Variants in HS3ST5 observed in about 807,000 individuals in gnomAD.
HS3ST5 encodes heparan sulfate glucosamine 3-O-sulfotransferase 5.
Under a neutral mutation model 25.4 loss-of-function variants are expected in HS3ST5, and 10 were observed. The observed-to-expected ratio is 0.39, with a 90% CI of 0.24 to 0.67. The LOEUF (loss-of-function observed/expected upper bound fraction) is 0.67. Among genes scored for constraint, HS3ST5 ranks in the 30% least tolerant of loss-of-function variants. The probability of loss-of-function intolerance (pLI) is 0.44; values close to 1 mark genes in which losing one functional copy is unlikely to be tolerated. For missense variants in HS3ST5, 324 were observed against 420.7 expected, an observed-to-expected ratio of 0.77 and a Z score of 2.01; for synonymous variants, 170 against 162.4, an observed-to-expected ratio of 1.05 and a Z score of -0.36.
chr6:114,327,933 A>T (rs1448439654), intron 1 of HS3ST5, among the ~76,000 whole-genome samples: 1 of 152,216 alleles, frequency 6.6e-6, no homozygotes, highest in Non-Finnish European at 1.5e-5. Context: ...ATTGCTCAAG[A>T]TATTGAATGT....
chr6:114,232,561 GT>G, intron 1 of HS3ST5, among the ~76,000 whole-genome samples: 1 of 152,226 alleles, frequency 6.6e-6, no homozygotes, highest in East Asian at 1.9e-4. Context: ...AACTGAATGT[GT>G]TTATAACTAA....
intron 2 of HS3ST5, among the ~76,000 whole-genome samples, chr6:114,174,291 T>C (rs761797853): frequency 3.3e-5 from 5 of 152,182 alleles, no homozygotes; most frequent in Non-Finnish European, 7.4e-5. Context: ...TCTAGATCCT[T>C]ACAACCCTGT....
At chr6:114,333,819 C>G (rs1776501736) in intron 1 of HS3ST5, among the ~76,000 whole-genome samples, 2 of 151,952 alleles carry the variant, frequency 1.3e-5, no homozygotes, top group African/African-American at 4.8e-5. Context: ...GAATAATGTT[C>G]TTCACTTTAA....
intron 2 of HS3ST5, among the ~76,000 whole-genome samples, chr6:114,194,486 C>T (rs201605539): frequency 3.3e-5 from 5 of 152,074 alleles, no homozygotes; most frequent in African/African-American, 1.2e-4. Flanking sequence ...AGAAACCAGC[C>T]CTTTCAAAAG....
chr6:114,325,280 C>G (rs1471997399), intron 1 of HS3ST5, among the ~76,000 whole-genome samples: 1 of 152,132 alleles, frequency 6.6e-6, no homozygotes, highest in Non-Finnish European at 1.5e-5. Context: ...AAATAATAAC[C>G]TATTTAGACC....
At chr6:114,117,569 C>T (rs1040610201) in intron 3 of HS3ST5, among the ~76,000 whole-genome samples, 14 of 152,272 alleles carry the variant, frequency 9.2e-5, no homozygotes, top group African/African-American at 2.2e-4. Context: ...TATGCTATTA[C>T]TCTAACCCTA....
At chr6:114,075,174 A>G (rs565036759) in intron 3 of HS3ST5, among the ~76,000 whole-genome samples, 1 of 152,376 alleles carries the variant, frequency 6.6e-6, no homozygotes, top group Admixed American at 6.5e-5. Flanking sequence ...TACATATAAG[A>G]TCCGCATCAT....
intron 1 of HS3ST5, among the ~76,000 whole-genome samples, chr6:114,339,472 T>C (rs1582827275): frequency 6.7e-6 from 1 of 150,168 alleles, no homozygotes; most frequent in Admixed American, 6.6e-5. Flanking sequence ...ATATAATTGC[T>C]TTTTTAAAAA....
At chr6:114,151,746 T>C (rs1419330475) in intron 3 of HS3ST5, among the ~76,000 whole-genome samples, 1 of 152,134 alleles carries the variant, frequency 6.6e-6, no homozygotes, top group South Asian at 2.1e-4. Flanking sequence ...TCCCAAATTA[T>C]GTAAAATGTA....
intron 1 of HS3ST5, among the ~76,000 whole-genome samples, chr6:114,333,584 G>A (rs1776490374): frequency 6.6e-6 from 1 of 151,876 alleles, no homozygotes; most frequent in Admixed American, 6.6e-5. Context: ...ATAAACAACC[G>A]ATTAAGAAAA....
intron 2 of HS3ST5, among the ~76,000 whole-genome samples, chr6:114,196,574 C>T (rs553127710): frequency 6.6e-6 from 1 of 151,636 alleles, no homozygotes; most frequent in East Asian, 1.9e-4. Context: ...GAGCGGCCCT[C>T]GTGAAGTCTC....
intron 2 of HS3ST5, among the ~76,000 whole-genome samples, chr6:114,196,836 A>G (rs1780782879): frequency 6.6e-6 from 1 of 151,164 alleles, no homozygotes; most frequent in Admixed American, 6.6e-5. Flanking sequence ...ATTTGGTGTT[A>G]TTAGGAAGGA....
chr6:114,104,266 A>T (rs1775884871), intron 3 of HS3ST5, among the ~76,000 whole-genome samples: 1 of 152,166 alleles, frequency 6.6e-6, no homozygotes, highest in South Asian at 2.1e-4. Flanking sequence ...GCAAGTAGAC[A>T]TACCTTGCCT....
chr6:114,318,482 G>C lies in HS3ST5; in HGVS notation c.-339+23713C>G, dbSNP rs556298456. Among the ~76,000 whole-genome samples the C allele has an allele frequency of 1.3e-5, 2 of 151,970 alleles. 1 individual carries two copies. Among genetic ancestry groups the C allele is most frequent in the South Asian group, 4.2e-4 (2 of 4,796 alleles). On this transcript the variant is annotated intron_variant, in intron 1 of 4. Coordinates refer to ENST00000312719, the MANE Select transcript of HS3ST5 (RefSeq NM_153612.4). ...TGTCTGACAACAAAAGGTTGCCCTGGGCAAAATTATAATAGTAAAATATAG... is the reference window on the plus strand; with the variant it reads ...TGTCTGACAACAAAAGGTTGCCCTGCGCAAAATTATAATAGTAAAATATAG...
intron 1 of HS3ST5, among the ~76,000 whole-genome samples, chr6:114,306,713 C>G (rs1775313785): frequency 6.6e-6 from 1 of 152,004 alleles, no homozygotes; most frequent in South Asian, 2.1e-4. Flanking sequence ...TATTTGAGTA[C>G]CCAAGTTAAA....
intron 3 of HS3ST5, among the ~76,000 whole-genome samples, chr6:114,156,747 A>G (rs770699414): frequency 6.6e-6 from 1 of 151,252 alleles, no homozygotes; most frequent in African/African-American, 2.4e-5. Flanking sequence ...ATTTCATCTC[A>G]GTGGTCATCA....
At chr6:114,146,656 T>C (rs1435516396) in intron 3 of HS3ST5, among the ~76,000 whole-genome samples, 1 of 152,118 alleles carries the variant, frequency 6.6e-6, no homozygotes, top group African/African-American at 2.4e-5. Context: ...TTCCCAACAG[T>C]GGAAGTGGGG....
intron 3 of HS3ST5, among the ~76,000 whole-genome samples, chr6:114,127,153 G>A (rs1257103190): frequency 1.3e-5 from 2 of 152,100 alleles, no homozygotes; most frequent in East Asian, 1.9e-4. Flanking sequence ...TTGGGAAGCC[G>A]AGGTGGGCTG....
chr6:114,241,132 GTTTTT>G (rs34220294), intron 1 of HS3ST5, among the ~76,000 whole-genome samples: 61 of 117,812 alleles, frequency 5.2e-4, no homozygotes, highest in African/African-American at 1.9e-3. Context: ...AGAAAAATCA[GTTTTT>G]TTTTTTTTTT....
Sources: allele counts gnomAD v4.1 joint callset (sites outside exome capture counted in the v4.1 genomes callset), GRCh38; gene constraint gnomAD v4.1.1; transcripts MANE v1.5; gene names NCBI Gene and HGNC (gene_info 2026-07-23, HGNC 2026-07-21).